The following CACNB2 variants were observed in gnomAD, a reference collection of about 807,000 sequenced individuals.
The protein encoded by CACNB2 is calcium voltage-gated channel auxiliary subunit beta 2, also known as voltage-dependent L-type calcium channel subunit beta-2.
Under a neutral mutation model 73.3 loss-of-function variants are expected in CACNB2, and 42 were observed. That is an observed-to-expected ratio of 0.57 (90% CI 0.45 to 0.74). The LOEUF (loss-of-function observed/expected upper bound fraction) is 0.74, where lower values mean the gene tolerates loss of function less well. Ranked by LOEUF, CACNB2 falls within the 30% of genes least tolerant of loss-of-function variation. CACNB2 has a pLI of 0.00. For synonymous variants in CACNB2, 348 were observed against 310.3 expected, an observed-to-expected ratio of 1.12 and a Z score of -1.28; for missense variants, 940 against 853.0, an observed-to-expected ratio of 1.10 and a Z score of -1.27.
At chr10:18,513,464 C>T (rs916059231) in intron 6 of CACNB2, 2 of 260,426 alleles carry the variant, frequency 7.7e-6, no homozygotes, top group African/African-American at 4.5e-5. Flanking sequence ...TGGTCAGCCA[C>T]TATGCTCCTC....
At chr10:18,395,051 C>T (rs548360434) in intron 2 of CACNB2, among the ~76,000 whole-genome samples, 3 of 152,214 alleles carry the variant, frequency 2.0e-5, no homozygotes, top group African/African-American at 7.2e-5. Flanking sequence ...TTGATGGAGT[C>T]TCACATGTGT....
chr10:18,536,270 T>C (rs988400199), intron 12 of CACNB2, 74 bp downstream of exon 12: 1 of 370,528 alleles, frequency 2.7e-6, no homozygotes, highest in African/African-American at 3.4e-5. Context: ...TTTTTTTTTT[T>C]TTTGGGGGAC....
intron 2 of CACNB2, among the ~76,000 whole-genome samples, chr10:18,198,426 G>A (rs918345733): frequency 6.6e-6 from 1 of 151,996 alleles, no homozygotes; most frequent in Non-Finnish European, 1.5e-5. Flanking sequence ...TCTTCACCAC[G>A]CTGCACTCTG....
At chr10:18,315,513 A>AC (rs1275781391) in intron 2 of CACNB2, among the ~76,000 whole-genome samples, 7 of 128,138 alleles carry the variant, frequency 5.5e-5, no homozygotes, top group African/African-American at 9.3e-5. Flanking sequence ...AAAAAAAAAA[A>AC]AAAAAAAAAA....
intron 3 of CACNB2, among the ~76,000 whole-genome samples, chr10:18,437,900 A>C (rs764864816): frequency 6.6e-6 from 1 of 152,032 alleles, no homozygotes; most frequent in Non-Finnish European, 1.5e-5. Context: ...AGAACATGGA[A>C]ATGTATCTAA....
chr10:18,442,428 G>A (rs1219449672), intron 3 of CACNB2, among the ~76,000 whole-genome samples: 1 of 151,966 alleles, frequency 6.6e-6, no homozygotes. Context: ...GGAATTATAG[G>A]CGTGAGCCAC....
At chr10:18,392,975 G>A (rs1003656746) in intron 2 of CACNB2, among the ~76,000 whole-genome samples, 15 of 152,118 alleles carry the variant, frequency 9.9e-5, no homozygotes, top group Non-Finnish European at 1.5e-4. Context: ...TTGGGAGGCC[G>A]AGGCAGGTAG....
rs1447463602 is a variant in CACNB2 at position 18,457,898 on chromosome 10, G to GA, written c.334-40447dup. Among the ~76,000 whole-genome samples the GA allele has an allele frequency of 4.1e-3, 587 of 144,844 alleles. 8 individuals carry two copies. The highest frequency in any genetic ancestry group is 0.011 in the African/African-American group (454 of 39,756). On this transcript the variant is annotated intron_variant, in intron 3 of 13. Coordinates refer to ENST00000324631, the MANE Select transcript of CACNB2 (RefSeq NM_201596.3). ...AGAGCAAAACTCCATCTCAAAAAAG[G>GA]AAAAAAAAAAGGAGAAAATGTTTGG...
Position 18,185,096 on chromosome 10 carries a change from A to G in CACNB2, c.213+34121A>G, listed in dbSNP as rs374629884. Among the ~76,000 whole-genome samples the G allele has an allele frequency of 7.2e-5, 11 of 152,294 alleles. No homozygotes were observed. In the East Asian group the frequency reaches 1.9e-3, roughly 27 times the overall value. On this transcript the variant is annotated intron_variant, in intron 2 of 13. Coordinates refer to ENST00000324631, the MANE Select transcript of CACNB2 (RefSeq NM_201596.3). ...TCAAGCAATCCTCCCACCTTGGCCC[A>G]TCCCAAAGTACTGGGATTATAGCGT...
Position 18,539,461 on chromosome 10 carries a change from T to G in CACNB2, c.1720T>G (p.Tyr574Asp), listed in dbSNP as rs776643534. 2.5e-6 allele frequency: 4 copies of G among 1,613,622 alleles called. No individual in the cohort carries two copies. The highest frequency in any genetic ancestry group is 3.4e-6 in the Non-Finnish European group (4 of 1,179,894). Residue 574 changes from tyrosine to aspartate, a missense_variant, in exon 14 of 14, where the codon TAT becomes GAT. Coordinates refer to ENST00000324631, the MANE Select transcript of CACNB2 (RefSeq NM_201596.3). Reference protein sequence around the residue: ...DSAYVEPKEDYSHDHVDHYAS... With the variant: ...DSAYVEPKEDDSHDHVDHYAS... ...TGCCTACGTAGAGCCAAAGGAAGAT[T>G]ATTCCCATGACCACGTGGACCACTA... is the stretch of plus-strand genomic sequence containing the variant.
chr10:18,394,198 C>T (rs1044552087), intron 2 of CACNB2, among the ~76,000 whole-genome samples: 2 of 152,154 alleles, frequency 1.3e-5, no homozygotes, highest in Non-Finnish European at 2.9e-5. Flanking sequence ...ACCTGGTGAT[C>T]TGCCTGCCTC....
chr10:18,478,147 G>T (rs988109648), intron 3 of CACNB2, among the ~76,000 whole-genome samples: 1 of 152,160 alleles, frequency 6.6e-6, no homozygotes, highest in African/African-American at 2.4e-5. Flanking sequence ...GCCCAGGATG[G>T]TCTCAAACTC....
chr10:18,515,365 C>A (rs2051173239), intron 7 of CACNB2, among the ~76,000 whole-genome samples: 1 of 152,190 alleles, frequency 6.6e-6, no homozygotes, highest in Non-Finnish European at 1.5e-5. Flanking sequence ...TCCACAGCTA[C>A]CATGCTGTCT....
chr10:18,443,831 C>T (rs1297840113), intron 3 of CACNB2, among the ~76,000 whole-genome samples: 1 of 151,840 alleles, frequency 6.6e-6, no homozygotes, highest in Non-Finnish European at 1.5e-5. Flanking sequence ...TCTCCTGCCT[C>T]AGCCTCCCAA....
At chr10:18,435,555 G>A (rs1424617638) in intron 3 of CACNB2, among the ~76,000 whole-genome samples, 1 of 152,114 alleles carries the variant, frequency 6.6e-6, no homozygotes, top group East Asian at 1.9e-4. Flanking sequence ...CTGAAGTGCA[G>A]TGGGGTGAAC....
Position 18,272,070 on chromosome 10 carries a change from A to G in CACNB2, c.213+121095A>G, listed in dbSNP as rs147841559. Among the ~76,000 whole-genome samples the G allele has an allele frequency of 9.2e-3, 1,392 of 150,840 alleles. 14 individuals carry two copies. Among genetic ancestry groups the G allele is most frequent in the Middle Eastern group, 0.021 (6 of 292 alleles). ...TCTGGAGGGAGTAATATTTCCAGTG[A>G]GTCTGTGAAGCTTCCCCAGAGTGTC... On this transcript the variant is annotated intron_variant, in intron 2 of 13. Coordinates refer to ENST00000324631, the MANE Select transcript of CACNB2 (RefSeq NM_201596.3).
At chr10:18,500,124 G>A (rs1162599358) in intron 4 of CACNB2, among the ~76,000 whole-genome samples, 1 of 152,166 alleles carries the variant, frequency 6.6e-6, no homozygotes, top group Non-Finnish European at 1.5e-5. Flanking sequence ...TTATTATGAG[G>A]TCTCTTCTTG....
chr10:18,532,697 C>CAAAAAAAAAAAAAAAAAAAAAAAAA (rs1187679628), intron 10 of CACNB2, among the ~76,000 whole-genome samples: 2 of 125,108 alleles, frequency 1.6e-5, no homozygotes, highest in African/African-American at 3.2e-5. Context: ...AAAAAAAAAA[C>CAAAAAAAAAAAAAAAAAAAAAAAAA]AAAACAAAAA....
rs547132115 is a variant in CACNB2, at chr10:18,331,072, G to A, written c.214-70852G>A. Among the ~76,000 whole-genome samples, 466 of 151,610 alleles carry A rather than the reference G, an allele frequency of 3.1e-3. 8 individuals are homozygous for A. The highest frequency in any genetic ancestry group is 0.011 in the African/African-American group (438 of 41,274). ...GCGATCTTGGCCCACTGCAACTTCC[G>A]CCTCCTGGGTTCAGGTGATTCTCCC... On this transcript the variant is annotated intron_variant, in intron 2 of 13. Transcript: ENST00000324631.
Sources: gnomAD v4.1 joint callset for allele counts (sites outside exome capture counted in the v4.1 genomes callset) on GRCh38, gnomAD v4.1.1 for gene constraint, MANE v1.5 for transcripts, NCBI Gene and HGNC (gene_info 2026-07-23, HGNC 2026-07-21) for gene names.